The following SERAC1 variants were observed in gnomAD, a reference collection of about 807,000 sequenced individuals.
The protein encoded by SERAC1 is protein SERAC1.
In SERAC1, 36 loss-of-function variants were observed where a neutral mutation model predicts 85.7. The ratio of observed to expected loss-of-function variants is 0.42; its 90% confidence interval spans 0.32 to 0.55. The LOEUF (loss-of-function observed/expected upper bound fraction) is 0.55. Ranked by LOEUF, SERAC1 falls within the 20% of genes least tolerant of loss-of-function variation. The probability of loss-of-function intolerance (pLI) is 0.11; values close to 1 mark genes in which losing one functional copy is unlikely to be tolerated. For synonymous variants in SERAC1, 242 were observed against 265.3 expected, an observed-to-expected ratio of 0.91 and a Z score of 0.85; for missense variants, 629 against 796.2, an observed-to-expected ratio of 0.79 and a Z score of 2.53.
chr6:158,162,152 C>T (rs1785502540), intron 1 of SERAC1: 1 of 152,172 alleles, frequency 6.6e-6, no homozygotes, highest in South Asian at 2.1e-4. Context: ...TCTTACCATT[C>T]CTGATTAAAA....
Position 158,111,246 on chromosome 6 carries a change from C to A in SERAC1, c.*120G>T. 1.0e-6 allele frequency: 1 copy of A among 984,074 alleles called. No homozygotes were observed. The highest frequency in any genetic ancestry group is 1.5e-6 in the Non-Finnish European group (1 of 675,880). 61.0% of individuals were successfully genotyped at this position (984,074 alleles called of 1,614,324 possible). ...AATGTTCTGTAGTCTGCAACACACT[C>A]CAGACCATGTTGACGCTATGATCAC... On this transcript the variant is annotated 3_prime_UTR_variant, in exon 17 of 17. Coordinates refer to ENST00000647468, the MANE Select transcript of SERAC1 (RefSeq NM_032861.4).
rs149663223 is a variant in SERAC1, at chr6:158,116,015, C to G, written c.1501+170G>C. On this transcript the variant is annotated intron_variant, in intron 14 of 16. Transcript: ENST00000647468. ...TTCTAGAGAAAGGAACAGCATGGAA[C>G]AAGAGTAGTAATTTTAAAAGTCCTA... 6.8e-3 allele frequency among the ~76,000 whole-genome samples: 1,032 copies of G among 152,260 alleles called. 16 individuals carry two copies. Among genetic ancestry groups the G allele is most frequent in the African/African-American group, 0.024 (984 of 41,532 alleles).
chr6:158,156,718 A>G (rs1785341532), intron 2 of SERAC1, among the ~76,000 whole-genome samples: 1 of 139,020 alleles, frequency 7.2e-6, no homozygotes, highest in Non-Finnish European at 1.5e-5. Context: ...CTAGCCCACA[A>G]AAATCTTTAT....
intron 16 of SERAC1, chr6:158,111,771 C>A (rs1784149062): frequency 4.1e-6 from 1 of 241,762 alleles, no homozygotes; most frequent in Non-Finnish European, 8.0e-6. Flanking sequence ...TCAGAGCAAG[C>A]AGAGATTGAG....
intron 12 of SERAC1, among the ~76,000 whole-genome samples, 153 bp downstream of exon 12, chr6:158,118,876 G>A (rs10946086): frequency 3.9e-4 from 60 of 152,206 alleles, no homozygotes; most frequent in Non-Finnish European, 7.2e-4. Context: ...GACAAGCCCA[G>A]TTGTTGTCAA....
At chr6:158,130,124 A>G (rs1190585931) in intron 9 of SERAC1, among the ~76,000 whole-genome samples, 1 of 152,258 alleles carries the variant, frequency 6.6e-6, no homozygotes, top group African/African-American at 2.4e-5. Flanking sequence ...CCACATTTAG[A>G]TGATAGGCTG....
At chr6:158,166,719 T>G (rs1425181481) in intron 1 of SERAC1, among the ~76,000 whole-genome samples, 1 of 152,200 alleles carries the variant, frequency 6.6e-6, no homozygotes, top group Non-Finnish European at 1.5e-5. Flanking sequence ...GTTCATCTAT[T>G]TCTAGGTACC....
intron 8 of SERAC1, among the ~76,000 whole-genome samples, chr6:158,132,339 T>C (rs1469101126): frequency 6.6e-6 from 1 of 152,208 alleles, no homozygotes; most frequent in Non-Finnish European, 1.5e-5. Context: ...TCGTATATAA[T>C]ATTATTTTTT....
chr6:158,148,763 T>TA (rs1262296153), intron 5 of SERAC1, 102 bp downstream of exon 5: 2 of 830,862 alleles, frequency 2.4e-6, no homozygotes, highest in Admixed American at 3.0e-5. Flanking sequence ...TCCATAGCTA[T>TA]AAAAAATATT....
At chr6:158,163,630 A>G (rs1427986872) in intron 1 of SERAC1, among the ~76,000 whole-genome samples, 1 of 152,206 alleles carries the variant, frequency 6.6e-6, no homozygotes, top group Non-Finnish European at 1.5e-5. Flanking sequence ...AAACAAACAA[A>G]AAACCCTAAT....
At chr6:158,143,343 CTCTCTATATATATA>C (rs1447889222) in intron 7 of SERAC1, among the ~76,000 whole-genome samples, 159 bp from the exon 8 acceptor site, 758 of 33,492 alleles carry the variant, frequency 0.023, 3 homozygotes, top group East Asian at 0.052. Flanking sequence ...CTCTCTCTCT[CTCTCTATATATATA>C]TATATATATA....
intron 10 of SERAC1, among the ~76,000 whole-genome samples, chr6:158,123,287 T>G (rs1193861001): frequency 1.3e-5 from 2 of 152,168 alleles, no homozygotes; most frequent in Non-Finnish European, 2.9e-5. Context: ...AGGCAGCAGC[T>G]GACCATGAGA....
intron 10 of SERAC1, among the ~76,000 whole-genome samples, chr6:158,126,510 GAGA>G (rs1008548213): frequency 2.0e-5 from 3 of 152,156 alleles, no homozygotes; most frequent in Admixed American, 6.5e-5. Context: ...AGGAGGGAAA[GAGA>G]AGGACTCTTG....
At chr6:158,122,146 T>C (rs2128413015) in intron 10 of SERAC1, among the ~76,000 whole-genome samples, 1 of 152,354 alleles carries the variant, frequency 6.6e-6, no homozygotes, top group Non-Finnish European at 1.5e-5. Flanking sequence ...AGTAACCTGC[T>C]GTATAGGTTT....
chr6:158,133,305 A>AC (rs1784720061), intron 8 of SERAC1, among the ~76,000 whole-genome samples: 2 of 150,642 alleles, frequency 1.3e-5, no homozygotes, highest in East Asian at 1.9e-4. Flanking sequence ...TCTCAAACAG[A>AC]CAAAAAAAAA....
At chr6:158,125,646 T>G (rs6920030) in intron 10 of SERAC1, among the ~76,000 whole-genome samples, 367 of 152,300 alleles carry the variant, frequency 2.4e-3, no homozygotes, top group African/African-American at 8.3e-3. Flanking sequence ...GGAAGATCAC[T>G]TGAGCCTAGG....
chr6:158,155,701 C>A (rs1785313418), intron 2 of SERAC1, among the ~76,000 whole-genome samples: 1 of 152,068 alleles, frequency 6.6e-6, no homozygotes, highest in Admixed American at 6.5e-5. Flanking sequence ...AGTTAACAAC[C>A]CATTAAAGAA....
rs527497528 is a variant in SERAC1, at chr6:158,125,196, A to G, written c.1015+2912T>C. Among the ~76,000 whole-genome samples the G allele has an allele frequency of 3.9e-5, 6 of 152,270 alleles. No homozygotes were observed. The South Asian group carries it at 1.2e-3, about 32-fold the overall frequency. On this transcript the variant is annotated intron_variant, in intron 10 of 16. Transcript: ENST00000647468. The stretch of plus-strand genomic sequence containing the variant: ...CATTAATAGAATTAATTCATGTTTG[A>G]AGTGATTGCTATCCCAACTGCCCTG...
intron 16 of SERAC1, chr6:158,112,590 T>C (rs910693073): frequency 6.6e-6 from 1 of 151,832 alleles, no homozygotes; most frequent in Non-Finnish European, 1.5e-5. Context: ...CAGTATGACA[T>C]TTTTCATTTT....
Sources: gnomAD v4.1 joint callset for allele counts (sites outside exome capture counted in the v4.1 genomes callset) on GRCh38, gnomAD v4.1.1 for gene constraint, MANE v1.5 for transcripts, NCBI Gene and HGNC (gene_info 2026-07-23, HGNC 2026-07-21) for gene names.